CNTNAP2: variants seen among roughly 807,000 people sequenced by gnomAD.
The protein encoded by CNTNAP2 is contactin-associated protein-like 2.
Under a neutral mutation model 155.2 loss-of-function variants are expected in CNTNAP2, and 98 were observed. The ratio of observed to expected loss-of-function variants is 0.63; its 90% CI spans 0.54 to 0.75. The LOEUF is 0.75. CNTNAP2 is among the 30% of genes least tolerant of loss of function. The pLI, the probability that CNTNAP2 is intolerant of heterozygous loss-of-function variation, is 0.00. For missense variants in CNTNAP2, 1,727 were observed against 1,688.1 expected (o/e 1.02, Z -0.40); for synonymous variants, 651 against 631.2 (o/e 1.03, Z -0.47).
intron 13 of CNTNAP2, among the ~76,000 whole-genome samples, chr7:147,831,578 A>T (rs1369391764): frequency 7.2e-5 from 11 of 152,234 alleles, no homozygotes; most frequent in African/African-American, 2.7e-4. Context: ...CCTCAGAGTC[A>T]ATTACAGACC....
intron 1 of CNTNAP2, among the ~76,000 whole-genome samples, chr7:146,631,111 A>G (rs1187775625): frequency 6.6e-6 from 1 of 152,140 alleles, no homozygotes; most frequent in African/African-American, 2.4e-5. Flanking sequence ...AGACAATCCT[A>G]AGCAAAAAGA....
intron 15 of CNTNAP2, among the ~76,000 whole-genome samples, chr7:147,995,362 C>A (rs1357613734): frequency 6.6e-6 from 1 of 152,134 alleles, no homozygotes; most frequent in Non-Finnish European, 1.5e-5. Flanking sequence ...TCTCCTTCCC[C>A]TGCTCCCCAA....
At chr7:146,624,582 T>C (rs1160354714) in intron 1 of CNTNAP2, among the ~76,000 whole-genome samples, 1 of 152,074 alleles carries the variant, frequency 6.6e-6, no homozygotes, top group Admixed American at 6.5e-5. Flanking sequence ...GGTTTTCTAC[T>C]CTCTTCCATT....
chr7:148,373,645 G>A (rs73745602), intron 21 of CNTNAP2, among the ~76,000 whole-genome samples: 2,457 of 152,160 alleles, frequency 0.016, 80 homozygotes, highest in African/African-American at 0.055. Flanking sequence ...ATATTACAAT[G>A]AGACCATATC....
At chr7:146,346,487 G>T (rs955316978) in intron 1 of CNTNAP2, among the ~76,000 whole-genome samples, 3 of 152,120 alleles carry the variant, frequency 2.0e-5, no homozygotes, top group Non-Finnish European at 4.4e-5. Flanking sequence ...TTCAAAATCA[G>T]CCTGACCAGC....
intron 3 of CNTNAP2, among the ~76,000 whole-genome samples, chr7:146,917,182 G>A (rs1016864536): frequency 2.0e-5 from 3 of 152,036 alleles, no homozygotes; most frequent in Non-Finnish European, 2.9e-5. Context: ...GTCTGAGAGA[G>A]TACTTGATAT....
At chr7:146,636,412 T>C (rs1799600649) in intron 1 of CNTNAP2, among the ~76,000 whole-genome samples, 1 of 152,144 alleles carries the variant, frequency 6.6e-6, no homozygotes, top group Non-Finnish European at 1.5e-5. Flanking sequence ...GAGGTGTTAC[T>C]AGAAAAAAAG....
intron 13 of CNTNAP2, among the ~76,000 whole-genome samples, chr7:147,887,894 A>G (rs941195012): frequency 6.6e-6 from 1 of 152,216 alleles, no homozygotes; most frequent in African/African-American, 2.4e-5. Flanking sequence ...GTTCTGATGC[A>G]TGTTTACAGC....
intron 17 of CNTNAP2, among the ~76,000 whole-genome samples, chr7:148,155,109 C>T (rs1014601229): frequency 2.0e-5 from 3 of 152,120 alleles, no homozygotes; most frequent in Non-Finnish European, 2.9e-5. Context: ...TGAGTCCACA[C>T]GAGTCTATAA....
chr7:147,262,468 G>A (rs1454217364), intron 8 of CNTNAP2, among the ~76,000 whole-genome samples: 1 of 152,004 alleles, frequency 6.6e-6, no homozygotes, highest in East Asian at 1.9e-4. Flanking sequence ...CTTAAGAGGA[G>A]ATTAGGACAC....
At chr7:146,238,955 T>C (rs1799518318) in intron 1 of CNTNAP2, among the ~76,000 whole-genome samples, 1 of 152,166 alleles carries the variant, frequency 6.6e-6, no homozygotes, top group Non-Finnish European at 1.5e-5. Context: ...CCACCTGGTC[T>C]CTCCCTTGAC....
intron 19 of CNTNAP2, among the ~76,000 whole-genome samples, chr7:148,225,239 G>A (rs1795824765): frequency 6.6e-6 from 1 of 152,232 alleles, no homozygotes; most frequent in Non-Finnish European, 1.5e-5. Flanking sequence ...CTGTTATGGG[G>A]AAAATATGAG....
At position 148,198,157 on chromosome 7, in the gene CNTNAP2, G is replaced by A. The variant is rs149836312; in HGVS notation, c.3011-19131G>A. 2.3e-3 allele frequency among the ~76,000 whole-genome samples: 347 copies of A among 152,264 alleles called. 1 individual carries two copies. The highest frequency in any genetic ancestry group is 7.8e-3 in the African/African-American group (325 of 41,558). On this transcript the variant is annotated intron_variant, in intron 18 of 23. Coordinates refer to ENST00000361727, the MANE Select transcript of CNTNAP2 (RefSeq NM_014141.6). The stretch of plus-strand genomic sequence containing the variant: ...AAAGGGACTGACCCAAGCCTGTAGC[G>A]AGCAAGGAGGCTGCCTGCTACCCAG...
At chr7:146,958,301 C>G (rs529144864) in intron 3 of CNTNAP2, among the ~76,000 whole-genome samples, 10 of 151,536 alleles carry the variant, frequency 6.6e-5, no homozygotes, top group African/African-American at 2.4e-4. Context: ...TGAGAACATA[C>G]TTTTGTTCTC....
intron 1 of CNTNAP2, among the ~76,000 whole-genome samples, chr7:146,496,053 G>T (rs1797210537): frequency 6.6e-6 from 1 of 152,122 alleles, no homozygotes; most frequent in Non-Finnish European, 1.5e-5. Context: ...ATTGAGGATG[G>T]CAAAAAAGTG....
intron 8 of CNTNAP2, among the ~76,000 whole-genome samples, chr7:147,182,076 A>C (rs1584776653): frequency 7.0e-6 from 1 of 143,816 alleles, no homozygotes. Context: ...CAGTGGCCTG[A>C]GATCGTGCCA....
chr7:147,348,547 G>T (rs934123600), intron 9 of CNTNAP2, among the ~76,000 whole-genome samples: 1 of 151,984 alleles, frequency 6.6e-6, no homozygotes, highest in African/African-American at 2.4e-5. Context: ...CTATTGGTAG[G>T]AATGTAAGCT....
At chr7:147,494,543 T>C (rs1798665652) in intron 11 of CNTNAP2, among the ~76,000 whole-genome samples, 1 of 150,980 alleles carries the variant, frequency 6.6e-6, no homozygotes, top group Non-Finnish European at 1.5e-5. Context: ...GCTGTGATCC[T>C]ATGAACTTCT....
chr7:146,951,536 A>G (rs1368735709), intron 3 of CNTNAP2, among the ~76,000 whole-genome samples: 1 of 152,116 alleles, frequency 6.6e-6, no homozygotes, highest in African/African-American at 2.4e-5. Flanking sequence ...TCCCAACACC[A>G]TTTATTAAAT....
Sources: gnomAD v4.1 joint callset for allele counts (sites outside exome capture counted in the v4.1 genomes callset) on GRCh38, gnomAD v4.1.1 for gene constraint, MANE v1.5 for transcripts, NCBI Gene and HGNC (gene_info 2026-07-23, HGNC 2026-07-21) for gene names.